ERH: variants seen among roughly 807,000 people sequenced by gnomAD.
ERH encodes the protein ERH mRNA splicing and mitosis factor.
ERH carries 1 observed loss-of-function variant against 16.8 expected under a neutral mutation model. The observed-to-expected ratio is 0.06, with a 90% CI of 0.02 to 0.28. The LOEUF is 0.28. ERH is among the 10% of genes least tolerant of loss of function. The pLI, the probability that ERH is intolerant of heterozygous loss-of-function variation, is 1.00. For missense variants in ERH, 42 were observed against 127.5 expected (o/e 0.33, Z 3.23); for synonymous variants, 43 against 43.6 (o/e 0.99, Z 0.05).
Position 69,386,713 on chromosome 14 carries a change from C to G in ERH, c.212+250G>C, listed in dbSNP as rs186202707. 544 of 319,480 alleles carry G rather than the reference C, an allele frequency of 1.7e-3. 3 individuals carry two copies. Among genetic ancestry groups the G allele is most frequent in the African/African-American group, 0.011 (517 of 46,914 alleles). The allele number at this position is 319,480 out of a possible 1,614,324, so 19.8% of individuals were successfully genotyped here. A position where few individuals can be genotyped will look rare whatever the true frequency, so the allele number is the denominator to read the frequency against. The stretch of plus-strand genomic sequence containing the variant: ...AGGTATAAGGAACAAAGAAGAGGCA[C>G]ATGGAACTTCTGAATTAGGATCCTT... On this transcript the variant is annotated intron_variant, in intron 3 of 3. Transcript: ENST00000557016.
rs1275412866 is a variant in ERH at position 69,380,440 on chromosome 14, T to C, written c.*98A>G. 3.0e-6 allele frequency: 2 copies of C among 665,050 alleles called. No individual in the cohort carries two copies. Among genetic ancestry groups the C allele is most frequent in the South Asian group, 3.9e-5 (2 of 51,086 alleles). 41.2% of individuals were successfully genotyped at this position (665,050 alleles called of 1,614,324 possible). A position where few individuals can be genotyped will look rare whatever the true frequency, so the allele number is the denominator to read the frequency against. ...CAATCTTGGCTAGAGTATAACAAAG[T>C]GGAAACAGGATTACTATGATACAAA... On this transcript the variant is annotated 3_prime_UTR_variant, in exon 4 of 4. Transcript: ENST00000557016.
intron 3 of ERH, among the ~76,000 whole-genome samples, chr14:69,381,336 C>T (rs1240873789): frequency 1.3e-5 from 2 of 152,294 alleles, no homozygotes; most frequent in African/African-American, 2.4e-5. Flanking sequence ...AACTAAAAAA[C>T]CTTTAAAAAA....
intron 2 of ERH, among the ~76,000 whole-genome samples, chr14:69,387,295 G>T (rs567291249): frequency 6.6e-6 from 1 of 152,108 alleles, no homozygotes; most frequent in Non-Finnish European, 1.5e-5. Context: ...AGTGGCTTAC[G>T]CCTGTAATCC....
intron 3 of ERH, among the ~76,000 whole-genome samples, chr14:69,384,008 T>C (rs1006264777): frequency 6.6e-6 from 1 of 152,122 alleles, no homozygotes; most frequent in Non-Finnish European, 1.5e-5. Context: ...TAAAGTCTAG[T>C]ACAAAGTTAG....
At chr14:69,385,835 TG>T (rs1246795189) in intron 3 of ERH, among the ~76,000 whole-genome samples, 1 of 152,164 alleles carries the variant, frequency 6.6e-6, no homozygotes, top group Non-Finnish European at 1.5e-5. Flanking sequence ...CTCACATATC[TG>T]TCCTATCAAT....
intron 3 of ERH, among the ~76,000 whole-genome samples, chr14:69,381,119 T>C (rs2045860980): frequency 6.6e-6 from 1 of 152,056 alleles, no homozygotes; most frequent in Non-Finnish European, 1.5e-5. Flanking sequence ...TTGTCTCTAC[T>C]AAAATACAAA....
chr14:69,386,016 T>C (rs2045890394), intron 3 of ERH, among the ~76,000 whole-genome samples: 1 of 152,186 alleles, frequency 6.6e-6, no homozygotes, highest in African/African-American at 2.4e-5. Context: ...CTGTCCCTCA[T>C]CCCCTCTGTC....
At chr14:69,388,659 G>A (rs2045906800) in intron 2 of ERH, among the ~76,000 whole-genome samples, 1 of 152,144 alleles carries the variant, frequency 6.6e-6, no homozygotes, top group African/African-American at 2.4e-5. Flanking sequence ...ATCGTGCCCG[G>A]CCTGATACTC....
chr14:69,392,121 C>A (rs1882226709), intron 2 of ERH, among the ~76,000 whole-genome samples: 1 of 149,446 alleles, frequency 6.7e-6, no homozygotes, highest in African/African-American at 2.5e-5. Flanking sequence ...GCTCTAAAAA[C>A]ATGGTCTTAA....
intron 2 of ERH, among the ~76,000 whole-genome samples, chr14:69,392,114 C>G (rs1594888936): frequency 1.3e-5 from 2 of 150,586 alleles, no homozygotes; most frequent in South Asian, 4.2e-4. Flanking sequence ...TAAAACTGCT[C>G]TAAAAACATG....
intron 3 of ERH, among the ~76,000 whole-genome samples, chr14:69,385,868 T>C (rs1394467659): frequency 6.6e-6 from 1 of 152,184 alleles, no homozygotes; most frequent in Non-Finnish European, 1.5e-5. Flanking sequence ...CTTCTGCATT[T>C]GGCTTCCAGG....
chr14:69,387,769 G>A (rs2045900968), intron 2 of ERH, among the ~76,000 whole-genome samples: 1 of 151,654 alleles, frequency 6.6e-6, no homozygotes, highest in African/African-American at 2.4e-5. Context: ...ACTAGGCCGG[G>A]CACAGTGGCT....
At chr14:69,386,675 G>GA (rs992361498) in intron 3 of ERH, 795 of 232,564 alleles carry the variant, frequency 3.4e-3, no homozygotes, top group Middle Eastern at 0.011. Flanking sequence ...GACTGTAAAG[G>GA]AAAAAAAAAA....
chr14:69,393,856 TA>T (rs1206448022), intron 2 of ERH, among the ~76,000 whole-genome samples: 2 of 151,946 alleles, frequency 1.3e-5, no homozygotes, highest in Non-Finnish European at 2.9e-5. Flanking sequence ...CCCATCTCTA[TA>T]AAAAAACCAA....
intron 3 of ERH, among the ~76,000 whole-genome samples, chr14:69,384,104 T>C (rs1259879996): frequency 6.6e-6 from 1 of 152,246 alleles, no homozygotes; most frequent in Non-Finnish European, 1.5e-5. Context: ...ATTTTCATAT[T>C]GTTGAAAAAA....
At chr14:69,387,927 C>T (rs1383136585) in intron 2 of ERH, among the ~76,000 whole-genome samples, 1 of 152,046 alleles carries the variant, frequency 6.6e-6, no homozygotes, top group Non-Finnish European at 1.5e-5. Context: ...GCACCTGTAG[C>T]CCCAGCTACT....
intron 3 of ERH, among the ~76,000 whole-genome samples, chr14:69,385,395 C>T (rs925983809): frequency 6.6e-6 from 1 of 152,122 alleles, no homozygotes; most frequent in African/African-American, 2.4e-5. Context: ...GATGTCCTTG[C>T]TCCTTATCTT....
intron 3 of ERH, 134 bp downstream of exon 3, chr14:69,386,829 T>A (rs990186672): frequency 6.8e-5 from 47 of 687,688 alleles, no homozygotes; most frequent in Admixed American, 2.8e-4. Context: ...AAGAGAAATA[T>A]TAATTACTAT....
intron 2 of ERH, among the ~76,000 whole-genome samples, chr14:69,391,857 T>C (rs1004199967): frequency 6.6e-6 from 1 of 152,048 alleles, no homozygotes; most frequent in Non-Finnish European, 1.5e-5. Flanking sequence ...GAAACTACTC[T>C]GTATGATACA....
Sources: gnomAD v4.1 joint callset for allele counts (sites outside exome capture counted in the v4.1 genomes callset) on GRCh38, gnomAD v4.1.1 for gene constraint, MANE v1.5 for transcripts, NCBI Gene and HGNC (gene_info 2026-07-23, HGNC 2026-07-21) for gene names.